Variants in RXFP1 observed in about 807,000 individuals in gnomAD.
RXFP1 encodes the protein relaxin receptor 1.
A neutral mutation model predicts 89.8 loss-of-function variants in RXFP1; 73 were observed. The observed-to-expected ratio is 0.81, with a 90% CI of 0.67 to 0.99. The LOEUF is 0.99. Ranked by LOEUF, RXFP1 falls within the 50% of genes least tolerant of loss-of-function variation. The pLI is 0.00. For missense variants in RXFP1, 793 were observed against 895.5 expected, an observed-to-expected ratio of 0.89 and a Z score of 1.46; for synonymous variants, 277 against 305.5, an observed-to-expected ratio of 0.91 and a Z score of 0.97.
chr4:158,530,485 G>A (rs1389566576), intron 1 of RXFP1, among the ~76,000 whole-genome samples: 1 of 152,080 alleles, frequency 6.6e-6, no homozygotes, highest in Non-Finnish European at 1.5e-5. Flanking sequence ...CATTTTCAAT[G>A]GTCCAGAAGA....
At chr4:158,535,543 T>C (rs571430496) in intron 1 of RXFP1, among the ~76,000 whole-genome samples, 5 of 152,254 alleles carry the variant, frequency 3.3e-5, no homozygotes, top group Admixed American at 1.3e-4. Context: ...TGGACTAAAA[T>C]GTGAGAAACT....
At chr4:158,541,167 C>G (rs1411453597) in intron 1 of RXFP1, among the ~76,000 whole-genome samples, 1 of 152,114 alleles carries the variant, frequency 6.6e-6, no homozygotes, top group Non-Finnish European at 1.5e-5. Flanking sequence ...CCAGAAAAAC[C>G]TTGTCAAACT....
At chr4:158,549,978 TG>T (rs1213306628) in intron 1 of RXFP1, among the ~76,000 whole-genome samples, 1 of 152,258 alleles carries the variant, frequency 6.6e-6, no homozygotes, top group African/African-American at 2.4e-5. Flanking sequence ...TCTTCAAAGC[TG>T]TCAGACAGGG....
In RXFP1 at chr4:158,595,641, T is replaced by C. The variant is rs187241076; in HGVS notation, c.286+2142T>C. ...GGAAGAAATCCTTTGCTATATTTTT[T>C]TCTTCATGTTCTACCATAAATTGTA... On this transcript the variant is annotated intron_variant, in intron 3 of 17. Coordinates refer to ENST00000307765, the MANE Select transcript of RXFP1 (RefSeq NM_021634.4). Among the ~76,000 whole-genome samples the C allele has an allele frequency of 1.1e-3, 174 of 152,354 alleles. 1 individual carries two copies. The highest frequency in any genetic ancestry group is 1.9e-3 in the Non-Finnish European group (131 of 68,036).
intron 4 of RXFP1, among the ~76,000 whole-genome samples, chr4:158,602,427 T>C (rs1472241652): frequency 6.6e-6 from 1 of 152,160 alleles, no homozygotes; most frequent in Non-Finnish European, 1.5e-5. Context: ...ACATTCTTGC[T>C]TGTGCTATAG....
At chr4:158,534,706 T>A (rs565895605) in intron 1 of RXFP1, among the ~76,000 whole-genome samples, 2 of 151,964 alleles carry the variant, frequency 1.3e-5, no homozygotes, top group Non-Finnish European at 2.9e-5. Flanking sequence ...CTTTCCAGAA[T>A]GAAGAGAGAA....
intron 4 of RXFP1, among the ~76,000 whole-genome samples, chr4:158,601,270 G>A (rs1203170608): frequency 6.6e-6 from 1 of 152,080 alleles, no homozygotes; most frequent in Non-Finnish European, 1.5e-5. Context: ...CTGCAAGAAG[G>A]CAAGAAAGAA....
chr4:158,582,091 G>A (rs954551138), intron 2 of RXFP1, among the ~76,000 whole-genome samples: 1 of 152,148 alleles, frequency 6.6e-6, no homozygotes. Context: ...CCACATTCAT[G>A]ATCCAAACTA....
In RXFP1 at chr4:158,558,936, G is replaced by A. The variant is rs144615398; in HGVS notation, c.50-13762G>A. The stretch of plus-strand genomic sequence containing the variant: ...ACAAAAATTTTAAGTGACAGCTGTC[G>A]TAATATTAGCCTCAACAGATTTTGA... On this transcript the variant is annotated intron_variant, in intron 1 of 17. Coordinates refer to ENST00000307765, the MANE Select transcript of RXFP1 (RefSeq NM_021634.4). Among the ~76,000 whole-genome samples, 14 of 152,174 alleles carry A rather than the reference G, an allele frequency of 9.2e-5. No individual in the cohort carries two copies. The South Asian group carries it at 1.7e-3, about 18-fold the overall frequency.
At chr4:158,649,759 TA>T (rs919348738) in intron 17 of RXFP1, among the ~76,000 whole-genome samples, 1 of 152,088 alleles carries the variant, frequency 6.6e-6, no homozygotes, top group Non-Finnish European at 1.5e-5. Flanking sequence ...GGTAGAAAAA[TA>T]AAATGGTACA....
At chr4:158,521,865 C>T (rs1312592599), upstream of RXFP1, 2 of 633,852 alleles carry the variant, frequency 3.2e-6, no homozygotes, top group African/African-American at 3.8e-5. Context: ...TGCTTTGTAA[C>T]TGCTAAGATT....
chr4:158,566,567 G>C (rs374658841), intron 1 of RXFP1, among the ~76,000 whole-genome samples: 5 of 152,032 alleles, frequency 3.3e-5, no homozygotes, highest in Non-Finnish European at 5.9e-5. Flanking sequence ...GTTTCACCAC[G>C]TTGGCCAGGC....
intron 9 of RXFP1, among the ~76,000 whole-genome samples, chr4:158,620,671 C>T (rs903157369): frequency 6.6e-6 from 1 of 151,752 alleles, no homozygotes; most frequent in African/African-American, 2.4e-5. Context: ...AGGACTATCA[C>T]CAGGGATAAA....
intron 1 of RXFP1, among the ~76,000 whole-genome samples, chr4:158,530,848 C>T (rs1482571667): frequency 1.3e-5 from 2 of 152,164 alleles, no homozygotes; most frequent in Non-Finnish European, 2.9e-5. Context: ...CATTCGTCTT[C>T]AGTGGTGATC....
intron 2 of RXFP1, among the ~76,000 whole-genome samples, chr4:158,593,171 T>TAATTA (rs1205660933): frequency 1.3e-5 from 2 of 151,682 alleles, no homozygotes; most frequent in Non-Finnish European, 2.9e-5. Context: ...TTAATCGAAA[T>TAATTA]AATTAAATTA....
intron 1 of RXFP1, among the ~76,000 whole-genome samples, chr4:158,545,758 G>A (rs1318433706): frequency 2.6e-5 from 4 of 152,188 alleles, no homozygotes; most frequent in African/African-American, 9.7e-5. Flanking sequence ...TCAGATGGCT[G>A]TAGATATGCG....
intron 2 of RXFP1, among the ~76,000 whole-genome samples, chr4:158,580,285 T>C (rs1757088566): frequency 6.6e-6 from 1 of 152,122 alleles, no homozygotes; most frequent in South Asian, 2.1e-4. Context: ...ATTGGTTAGT[T>C]TGCATATCAA....
At chr4:158,641,582 G>T (rs1382569124) in intron 14 of RXFP1, among the ~76,000 whole-genome samples, 3 of 152,146 alleles carry the variant, frequency 2.0e-5, no homozygotes, top group Non-Finnish European at 4.4e-5. Context: ...GTCCTTCATG[G>T]TTTACAGAAT....
intron 1 of RXFP1, among the ~76,000 whole-genome samples, chr4:158,538,019 A>C (rs142277975): frequency 7.0e-4 from 106 of 152,326 alleles, no homozygotes; most frequent in African/African-American, 2.5e-3. Flanking sequence ...CAGCCAACTC[A>C]AGACTCTAAA....
Sources: allele counts gnomAD v4.1 joint callset (sites outside exome capture counted in the v4.1 genomes callset), GRCh38; gene constraint gnomAD v4.1.1; transcripts MANE v1.5; gene names NCBI Gene and HGNC (gene_info 2026-07-23, HGNC 2026-07-21).